Variants in ATG3 observed in about 807,000 individuals in gnomAD.
ATG3 encodes the protein autophagy related 3.
Under a neutral mutation model 50.7 loss-of-function variants are expected in ATG3, and 25 were observed. That is an observed-to-expected ratio of 0.49 (90% confidence interval 0.36 to 0.69). The LOEUF is 0.69. Ranked by LOEUF, ATG3 falls within the 30% of genes least tolerant of loss-of-function variation. ATG3 has a pLI of 0.00. For synonymous variants in ATG3, 119 were observed against 125.5 expected (o/e 0.95, Z 0.34); for missense variants, 281 against 376.0 (o/e 0.75, Z 2.09).
chr3:112,546,200 T>C (rs760672733), intron 5 of ATG3, among the ~76,000 whole-genome samples: 1 of 152,154 alleles, frequency 6.6e-6, no homozygotes, highest in Non-Finnish European at 1.5e-5. Flanking sequence ...TACCTATATC[T>C]ATACCTATAC....
intron 7 of ATG3, among the ~76,000 whole-genome samples, chr3:112,538,643 TG>T (rs1226543457): frequency 1.3e-5 from 2 of 152,228 alleles, no homozygotes; most frequent in African/African-American, 4.8e-5. Flanking sequence ...TCTTCTATGC[TG>T]GTTCCTCTTC....
intron 2 of ATG3, among the ~76,000 whole-genome samples, chr3:112,554,343 T>C (rs953928493): frequency 6.6e-6 from 1 of 152,248 alleles, no homozygotes; most frequent in Admixed American, 6.5e-5. Flanking sequence ...GATTTGTTTC[T>C]GCCCCACCCT....
chr3:112,553,522 T>A (rs1010825902), intron 2 of ATG3, among the ~76,000 whole-genome samples, 193 bp from the exon 3 acceptor site: 3 of 152,236 alleles, frequency 2.0e-5, no homozygotes, highest in African/African-American at 7.2e-5. Flanking sequence ...TAAACTGCAA[T>A]GTTTTCTAAT....
At chr3:112,560,351 G>A (rs1215310292) in intron 1 of ATG3, among the ~76,000 whole-genome samples, 1 of 152,110 alleles carries the variant, frequency 6.6e-6, no homozygotes, top group Non-Finnish European at 1.5e-5. Context: ...TGTAAGCAAA[G>A]CAACAGTTGA....
chr3:112,544,115 A>T lies in ATG3; in HGVS notation c.344-9T>A. ...CGTTATTCCTGTAATACCTATGTAAAATTCGGCAGAAAAGAATAACTAAAA... is the reference window on the plus strand; with the variant it reads ...CGTTATTCCTGTAATACCTATGTAATATTCGGCAGAAAAGAATAACTAAAA... On this transcript the variant is annotated splice_polypyrimidine_tract_variant and intron_variant, in intron 5 of 11. Coordinates refer to ENST00000283290, the MANE Select transcript of ATG3 (RefSeq NM_022488.5). The T allele has an allele frequency of 6.3e-7, 1 of 1,592,980 alleles. No individual in the cohort carries two copies. Among genetic ancestry groups the T allele is most frequent in the Non-Finnish European group, 8.6e-7 (1 of 1,161,870 alleles).
intron 3 of ATG3, among the ~76,000 whole-genome samples, chr3:112,550,928 G>A (rs1933509108): frequency 6.6e-6 from 1 of 152,148 alleles, no homozygotes; most frequent in African/African-American, 2.4e-5. Context: ...TTATAGTTAA[G>A]TAAACTAAAG....
intron 11 of ATG3, chr3:112,533,011 T>C (rs912175624): frequency 8.6e-7 from 1 of 1,163,920 alleles, no homozygotes; most frequent in Non-Finnish European, 1.1e-6. Flanking sequence ...TCTTAATGAG[T>C]AGGTGTTCAT....
At chr3:112,538,287 CTTTGTT>C (rs1188491852) in intron 7 of ATG3, 107 bp from the exon 8 acceptor site, 1 of 871,188 alleles carries the variant, frequency 1.1e-6, no homozygotes, top group Non-Finnish European at 1.7e-6. Flanking sequence ...GGGGTTTTGC[CTTTGTT>C]TTTAAGTGAA....
chr3:112,556,436 G>A (rs1188927667), intron 2 of ATG3, among the ~76,000 whole-genome samples: 22 of 147,434 alleles, frequency 1.5e-4, no homozygotes, highest in Non-Finnish European at 2.9e-4. Context: ...CAGCCGCCCC[G>A]TCCGGGAGGT....
intron 11 of ATG3, chr3:112,533,064 T>A (rs1164786031): frequency 4.8e-6 from 5 of 1,051,730 alleles, no homozygotes; most frequent in Non-Finnish European, 5.7e-6. Context: ...AAGCTATACA[T>A]GTTTAAATGA....
chr3:112,550,115 A>C, intron 4 of ATG3, 77 bp downstream of exon 4: 2 of 1,071,470 alleles, frequency 1.9e-6, no homozygotes, highest in Non-Finnish European at 2.7e-6. Flanking sequence ...AAAATTTTCA[A>C]GCAATAGAAA....
chr3:112,561,815 G>C lies in ATG3; in HGVS notation c.-287C>G, dbSNP rs1017385830. ...AGGGAGGGCAGCGGGGCCGAAGGGAGACCTGAGGTGAGAAGCGGACGCACA... is the reference window on the plus strand; with the variant it reads ...AGGGAGGGCAGCGGGGCCGAAGGGACACCTGAGGTGAGAAGCGGACGCACA... On this transcript the variant is annotated 5_prime_UTR_variant, in exon 1 of 12. Coordinates refer to ENST00000283290, the MANE Select transcript of ATG3 (RefSeq NM_022488.5). 9 of 426,796 alleles carry C rather than the reference G, an allele frequency of 2.1e-5. No homozygotes were observed. The highest frequency in any genetic ancestry group is 1.5e-4 in the African/African-American group (7 of 46,674). The allele number at this position is 426,796 out of a possible 1,614,324, so 26.4% of individuals were successfully genotyped here.
rs747088174 is a variant in ATG3, at chr3:112,544,044, A to G, written c.393+13T>C. The G allele has an allele frequency of 3.8e-6, 6 of 1,561,622 alleles. No homozygotes were observed. In the South Asian group the frequency reaches 6.7e-5, roughly 17 times the overall value. ...ACTCATTAAATTTAAAAATATAACTAATTAACCAGTACCTTATTTTCCAGT... is the reference window on the plus strand; with the variant it reads ...ACTCATTAAATTTAAAAATATAACTGATTAACCAGTACCTTATTTTCCAGT... On this transcript the variant is annotated intron_variant, in intron 6 of 11. Transcript: ENST00000283290.
At chr3:112,557,965 A>G (rs917173588) in intron 2 of ATG3, among the ~76,000 whole-genome samples, 2 of 152,228 alleles carry the variant, frequency 1.3e-5, no homozygotes, top group Non-Finnish European at 2.9e-5. Context: ...AGAACTCTTA[A>G]GAGAAAACAA....
intron 7 of ATG3, among the ~76,000 whole-genome samples, chr3:112,540,470 C>T (rs907836012): frequency 8.5e-5 from 13 of 152,112 alleles, no homozygotes; most frequent in Admixed American, 2.6e-4. Context: ...ACTTCTTACA[C>T]ATGCACCCTA....
intron 5 of ATG3, among the ~76,000 whole-genome samples, chr3:112,547,877 T>C (rs555141738): frequency 7.7e-4 from 117 of 152,348 alleles, no homozygotes; most frequent in South Asian, 1.4e-3. Context: ...ACAGTATAGT[T>C]CCTGTCATAG....
chr3:112,550,440 A>C (rs2705520), intron 3 of ATG3, among the ~76,000 whole-genome samples, 178 bp from the exon 4 acceptor site: 2 of 152,178 alleles, frequency 1.3e-5, no homozygotes, highest in Admixed American at 6.5e-5. Context: ...GGAGAAAAGC[A>C]CAACAATAAT....
chr3:112,558,499 G>A, intron 1 of ATG3, 82 bp from the exon 2 acceptor site: 2 of 1,144,610 alleles, frequency 1.7e-6, no homozygotes, highest in Non-Finnish European at 2.6e-6. Flanking sequence ...TATTTGCCTG[G>A]TGCCCTTCTA....
intron 2 of ATG3, among the ~76,000 whole-genome samples, chr3:112,553,821 C>T (rs568502193): frequency 4.6e-5 from 7 of 152,190 alleles, no homozygotes; most frequent in East Asian, 1.9e-4. Context: ...CTTCCTCTTC[C>T]TCTTTTATTA....
Sources: allele counts gnomAD v4.1 joint callset (sites outside exome capture counted in the v4.1 genomes callset), GRCh38; gene constraint gnomAD v4.1.1; transcripts MANE v1.5; gene names NCBI Gene and HGNC (gene_info 2026-07-23, HGNC 2026-07-21).